The following LPA variants were observed in gnomAD, a reference collection of about 807,000 sequenced individuals.
The protein encoded by LPA is apolipoprotein(a).
A neutral mutation model predicts 197.9 loss-of-function variants in LPA; 199 were observed. The observed-to-expected ratio is 1.01, with a 90% confidence interval of 0.90 to 1.13. The LOEUF (loss-of-function observed/expected upper bound fraction) is 1.13. Among genes scored for constraint, LPA ranks in the 50% most tolerant of loss-of-function variants. LPA has a pLI of 0.00. For missense variants in LPA, 1,853 were observed against 1,785.8 expected (o/e 1.04, Z -0.68); for synonymous variants, 715 against 639.5 (o/e 1.12, Z -1.78).
At chr6:160,563,336 T>C (rs1778393953) in intron 28 of LPA, among the ~76,000 whole-genome samples, 1 of 152,194 alleles carries the variant, frequency 6.6e-6, no homozygotes, top group East Asian at 1.9e-4. Flanking sequence ...CCAGTAGTAA[T>C]TCAGGAGCAG....
intron 30 of LPA, among the ~76,000 whole-genome samples, chr6:160,553,929 C>CTGTGTGTG (rs1305863751): frequency 4.3e-5 from 3 of 70,326 alleles, no homozygotes; most frequent in African/African-American, 1.5e-4. Context: ...TTCTCTCTCT[C>CTGTGTGTG]TCTCTCTCTG....
intron 28 of LPA, among the ~76,000 whole-genome samples, chr6:160,562,873 C>A (rs990925735): frequency 2.6e-5 from 4 of 152,114 alleles, no homozygotes; most frequent in Non-Finnish European, 5.9e-5. Context: ...TTAAAGTATT[C>A]TCTGATGGTA....
At chr6:160,576,211 G>A (rs1778655490) in intron 28 of LPA, among the ~76,000 whole-genome samples, 1 of 150,908 alleles carries the variant, frequency 6.6e-6, no homozygotes, top group African/African-American at 2.4e-5. Context: ...CAGCGTTTGT[G>A]TACCTCCTGA....
intron 28 of LPA, among the ~76,000 whole-genome samples, chr6:160,559,462 G>A (rs552326063): frequency 1.3e-5 from 2 of 152,238 alleles, no homozygotes; most frequent in South Asian, 2.1e-4. Flanking sequence ...AATAAATAAA[G>A]CTCCTATAAA....
Position 160,606,619 on chromosome 6 carries a change from C to G in LPA, c.2643G>C (p.Val881=). Residue 881 remains valine (V), a synonymous_variant, in exon 17 of 39, where the codon GTG becomes GTC. Transcript: ENST00000316300. ...CCCTCGTATAACAATAAGGGGCTGC[C>G]ACAGGATCTGGATTCCTGCAGTAGT... ...IMNYCRNPDP[V]AAPYCYTRDP... 9 of 1,613,916 alleles carry G rather than the reference C, an allele frequency of 5.6e-6. No individual in the cohort carries two copies. Among genetic ancestry groups the G allele is most frequent in the Non-Finnish European group, 6.8e-6 (8 of 1,179,944 alleles).
At chr6:160,540,308 C>G in intron 35 of LPA, 125 bp from the exon 36 acceptor site, 2 of 1,036,172 alleles carry the variant, frequency 1.9e-6, no homozygotes, top group Non-Finnish European at 3.0e-6. Context: ...TTATGAGTGG[C>G]AAGAAACAAA....
chr6:160,541,215 TTGGA>T (rs1777976886), intron 34 of LPA, 34 bp from the exon 35 acceptor site: 1 of 1,463,494 alleles, frequency 6.8e-7, no homozygotes, highest in Non-Finnish European at 9.6e-7. Context: ...TTTGGTCAAA[TTGGA>T]TGGTTTGTTC....
chr6:160,646,841 G>A (rs1174399579), intron 2 of LPA, among the ~76,000 whole-genome samples: 2 of 150,428 alleles, frequency 1.3e-5, no homozygotes, highest in African/African-American at 5.0e-5. Context: ...TCTAATGTGG[G>A]AGTTGCAACG....
At chr6:160,654,808 C>T (rs1780103275) in intron 1 of LPA, among the ~76,000 whole-genome samples, 1 of 152,162 alleles carries the variant, frequency 6.6e-6, no homozygotes, top group African/African-American at 2.4e-5. Context: ...CAAGTGTACA[C>T]ATGCATTTAG....
rs746498403 is a variant in LPA, at chr6:160,540,191, A to G, written c.5595-8T>C. 4 of 1,614,178 alleles carry G rather than the reference A, an allele frequency of 2.5e-6. No homozygotes were observed. The South Asian group carries it at 4.4e-5, about 18-fold the overall frequency. ...GATGAAGGCCTTGAGGACCTAGAAA[A>G]GATGAGGATGTCAAGAGAAAAATAT... On this transcript the variant is annotated splice_region_variant and splice_polypyrimidine_tract_variant and intron_variant, in intron 35 of 38. Coordinates refer to ENST00000316300, the MANE Select transcript of LPA (RefSeq NM_005577.4).
At position 160,572,487 on chromosome 6, in the gene LPA, T is replaced by C. The variant is rs144735676; in HGVS notation, c.4631+4649A>G. The stretch of plus-strand genomic sequence containing the variant: ...TGTTTTTGTTTTTTAACTTGTACTT[T>C]TGTTTTATAGGTCCTGTGTGATTTA... On this transcript the variant is annotated intron_variant, in intron 28 of 38. Transcript: ENST00000316300. Among the ~76,000 whole-genome samples, 6 of 152,356 alleles carry C rather than the reference T, an allele frequency of 3.9e-5. 2 individuals carry two copies. In the East Asian group the frequency reaches 1.2e-3, roughly 29 times the overall value.
At chr6:160,608,165 T>A (rs1357446647) in intron 16 of LPA, among the ~76,000 whole-genome samples, 1 of 152,194 alleles carries the variant, frequency 6.6e-6, no homozygotes, top group Non-Finnish European at 1.5e-5. Flanking sequence ...ATTGCTGGGT[T>A]CTTCATTACA....
At chr6:160,606,448 G>C (rs749733712) in intron 17 of LPA, 29 bp downstream of exon 17, 3 of 1,611,606 alleles carry the variant, frequency 1.9e-6, no homozygotes, top group South Asian at 2.2e-5. Context: ...GCATCGAAAC[G>C]TGTAGGTTTC....
At chr6:160,590,825 G>C in intron 23 of LPA, 119 bp downstream of exon 23, 1 of 1,393,230 alleles carries the variant, frequency 7.2e-7, no homozygotes, top group Non-Finnish European at 1.0e-6. Context: ...CCCATTGGCT[G>C]ACCCTGAGTC....
chr6:160,592,004 C>T (rs538879402), intron 22 of LPA, among the ~76,000 whole-genome samples: 3 of 152,212 alleles, frequency 2.0e-5, no homozygotes, highest in East Asian at 1.9e-4. Context: ...CAGAGTTTTG[C>T]TCTTTAAAAA....
chr6:160,592,237 G>GTGTC (rs41272058), intron 22 of LPA, among the ~76,000 whole-genome samples: 1 of 151,894 alleles, frequency 6.6e-6, no homozygotes, highest in Non-Finnish European at 1.5e-5. Context: ...ATGTGTATTT[G>GTGTC]TGTCTGTCTG....
rs146014671 is a variant in LPA, at chr6:160,564,316, G to T, written c.4632-6745C>A. On this transcript the variant is annotated intron_variant, in intron 28 of 38. Transcript: ENST00000316300. ...TTGTAAAGGATTTTACTTCTCCTTT[G>T]TTATAAAGCTTAGTTTGGCTGGATA... Among the ~76,000 whole-genome samples, 289 of 152,164 alleles carry T rather than the reference G, an allele frequency of 1.9e-3. 1 individual carries two copies. The highest frequency in any genetic ancestry group is 6.5e-3 in the African/African-American group (271 of 41,526).
intron 38 of LPA, among the ~76,000 whole-genome samples, chr6:160,532,096 G>GA (rs1194065660): frequency 6.6e-6 from 1 of 151,728 alleles, no homozygotes; most frequent in Non-Finnish European, 1.5e-5. Flanking sequence ...TTTTTCCTGG[G>GA]AAAAAAAATA....
chr6:160,603,212 T>C lies in LPA; in HGVS notation c.2945+1834A>G, dbSNP rs533472335. Among the ~76,000 whole-genome samples the C allele has an allele frequency of 3.4e-5, 5 of 148,442 alleles. No individual in the cohort carries two copies. In the South Asian group the frequency reaches 8.6e-4, roughly 25 times the overall value. On this transcript the variant is annotated intron_variant, in intron 18 of 38. Transcript: ENST00000316300. ...GCCTGTCTGTGAGGATCAGTGGATTTCATTTTTTAGTATTTGTGGAGGTGT... is the reference window on the plus strand; with the variant it reads ...GCCTGTCTGTGAGGATCAGTGGATTCCATTTTTTAGTATTTGTGGAGGTGT...
Sources: gnomAD v4.1 joint callset for allele counts (sites outside exome capture counted in the v4.1 genomes callset) on GRCh38, gnomAD v4.1.1 for gene constraint, MANE v1.5 for transcripts, NCBI Gene and HGNC (gene_info 2026-07-23, HGNC 2026-07-21) for gene names.